Variants in CALN1 observed in about 807,000 individuals in gnomAD.
CALN1 encodes the protein calneuron 1, also known as calcium-binding protein 8.
CALN1 carries 17 observed loss-of-function variants against 30.6 expected under a neutral mutation model. The observed-to-expected ratio is 0.56, with a 90% CI of 0.38 to 0.83. The LOEUF is 0.83. Ranked by LOEUF, CALN1 falls within the 40% of genes least tolerant of loss-of-function variation. The pLI is 0.00. For missense variants in CALN1, 291 were observed against 354.9 expected, an observed-to-expected ratio of 0.82 and a Z score of 1.45; for synonymous variants, 156 against 131.4, an observed-to-expected ratio of 1.19 and a Z score of -1.28.
chr7:71,897,066 A>C (rs1793568989), intron 5 of CALN1, among the ~76,000 whole-genome samples: 1 of 152,186 alleles, frequency 6.6e-6, no homozygotes, highest in South Asian at 2.1e-4. Flanking sequence ...AAAACAAAGC[A>C]AAACAAAAAT....
intron 2 of CALN1, among the ~76,000 whole-genome samples, chr7:72,308,537 G>A (rs561089188): frequency 2.0e-5 from 3 of 151,216 alleles, no homozygotes; most frequent in East Asian, 1.9e-4. Context: ...CTGAATGCAC[G>A]AATGAATGAA....
chr7:71,831,647 A>G (rs1015529676), intron 5 of CALN1, among the ~76,000 whole-genome samples: 6 of 151,806 alleles, frequency 4.0e-5, no homozygotes, highest in African/African-American at 1.5e-4. Flanking sequence ...GCACTTTGGG[A>G]GGAGGAGGTG....
At chr7:71,973,531 G>A (rs541636150) in intron 5 of CALN1, among the ~76,000 whole-genome samples, 3 of 152,246 alleles carry the variant, frequency 2.0e-5, no homozygotes, top group East Asian at 3.9e-4. Context: ...GAAATAATGG[G>A]TAAGCCAGAA....
At chr7:71,992,350 C>T (rs539676030) in intron 5 of CALN1, among the ~76,000 whole-genome samples, 1 of 151,698 alleles carries the variant, frequency 6.6e-6, no homozygotes, top group Non-Finnish European at 1.5e-5. Flanking sequence ...AAGACTTTCA[C>T]ATTTTTTTTT....
intron 5 of CALN1, among the ~76,000 whole-genome samples, chr7:71,963,881 A>C (rs1187448448): frequency 1.3e-5 from 2 of 152,216 alleles, no homozygotes; most frequent in Non-Finnish European, 2.9e-5. Context: ...ATCTAACATA[A>C]GAGGTAAATA....
intron 2 of CALN1, among the ~76,000 whole-genome samples, chr7:72,284,230 G>C (rs1797920246): frequency 6.6e-6 from 1 of 152,188 alleles, no homozygotes; most frequent in African/African-American, 2.4e-5. Flanking sequence ...AGGAGTTTGA[G>C]GCTGCAGTGA....
At chr7:71,890,962 G>C (rs947981401) in intron 5 of CALN1, among the ~76,000 whole-genome samples, 1 of 151,956 alleles carries the variant, frequency 6.6e-6, no homozygotes, top group Non-Finnish European at 1.5e-5. Flanking sequence ...GTTCAGCCTA[G>C]TTGCGAACTC....
rs890943017 is a variant in CALN1, at chr7:71,875,442, A to T, written c.502-64950T>A. 6.6e-5 allele frequency among the ~76,000 whole-genome samples: 10 copies of T among 152,282 alleles called. No homozygotes were observed. In the East Asian group the frequency reaches 1.9e-3, roughly 29 times the overall value. On this transcript the variant is annotated intron_variant, in intron 5 of 6. Transcript: ENST00000395275. ...AAATCATTTTGCAGATTGGGAAAACATGGTAGAATGCCAACTTTTGATGGC... is the reference window on the plus strand; with the variant it reads ...AAATCATTTTGCAGATTGGGAAAACTTGGTAGAATGCCAACTTTTGATGGC...
intron 3 of CALN1, among the ~76,000 whole-genome samples, chr7:72,128,978 A>C (rs368273060): frequency 2.0e-5 from 3 of 152,334 alleles, no homozygotes; most frequent in Admixed American, 6.5e-5. Flanking sequence ...ACAAAAGAGG[A>C]GCTAATTTCC....
At chr7:72,288,515 ATG>A (rs1018516768) in intron 2 of CALN1, among the ~76,000 whole-genome samples, 11 of 152,246 alleles carry the variant, frequency 7.2e-5, no homozygotes, top group Admixed American at 7.2e-4. Flanking sequence ...CTTTTGAAAA[ATG>A]GAGTATCAGA....
intron 4 of CALN1, among the ~76,000 whole-genome samples, chr7:72,096,798 C>T (rs886726563): frequency 6.6e-6 from 1 of 152,168 alleles, no homozygotes; most frequent in Non-Finnish European, 1.5e-5. Flanking sequence ...ACCCAGCAAT[C>T]CCATTACTGG....
At chr7:71,904,869 G>C (rs940555454) in intron 5 of CALN1, among the ~76,000 whole-genome samples, 9 of 152,088 alleles carry the variant, frequency 5.9e-5, no homozygotes, top group Non-Finnish European at 1.3e-4. Context: ...TATTTCTGTG[G>C]AATGTGTAAC....
chr7:72,250,236 C>T (rs1795463349), intron 3 of CALN1, among the ~76,000 whole-genome samples: 1 of 152,198 alleles, frequency 6.6e-6, no homozygotes, highest in Non-Finnish European at 1.5e-5. Context: ...TTAGGAGAGG[C>T]TGAACTGTGA....
chr7:72,257,716 C>T (rs1308236887), intron 3 of CALN1, among the ~76,000 whole-genome samples: 1 of 152,166 alleles, frequency 6.6e-6, no homozygotes, highest in Non-Finnish European at 1.5e-5. Context: ...GACCTCAATG[C>T]CCATCAACCA....
chr7:72,063,170 C>G (rs1354664941), intron 4 of CALN1, among the ~76,000 whole-genome samples: 1 of 152,136 alleles, frequency 6.6e-6, no homozygotes, highest in East Asian at 1.9e-4. Flanking sequence ...ATGTGCTGAC[C>G]TGTACATGTA....
intron 2 of CALN1, among the ~76,000 whole-genome samples, chr7:72,379,521 G>A (rs1379695028): frequency 1.3e-5 from 2 of 152,174 alleles, no homozygotes; most frequent in Non-Finnish European, 2.9e-5. Flanking sequence ...TATTCATTAT[G>A]TCGTTTCAAA....
chr7:72,375,623 T>C (rs1804510556), intron 2 of CALN1, among the ~76,000 whole-genome samples: 1 of 150,172 alleles, frequency 6.7e-6, no homozygotes, highest in African/African-American at 2.4e-5. Context: ...AAAAGCATAA[T>C]ACAAAATTAG....
At chr7:72,345,088 AC>A (rs1312295118) in intron 2 of CALN1, among the ~76,000 whole-genome samples, 2 of 148,762 alleles carry the variant, frequency 1.3e-5, no homozygotes, top group East Asian at 3.9e-4. Flanking sequence ...GTATAATTAT[AC>A]ATGTTATATA....
intron 5 of CALN1, among the ~76,000 whole-genome samples, chr7:71,876,428 C>G (rs1208105518): frequency 2.0e-5 from 3 of 147,768 alleles, no homozygotes; most frequent in African/African-American, 7.6e-5. Flanking sequence ...GAAGCTGCCA[C>G]CAAGCTTTTG....
Sources: allele counts gnomAD v4.1 joint callset (sites outside exome capture counted in the v4.1 genomes callset), GRCh38; gene constraint gnomAD v4.1.1; transcripts MANE v1.5; gene names NCBI Gene and HGNC (gene_info 2026-07-23, HGNC 2026-07-21).